The following SMAD9 variants were observed in gnomAD, a reference collection of about 807,000 sequenced individuals.
SMAD9 encodes the protein SMAD family member 9.
In SMAD9, 36 loss-of-function variants were observed where a neutral mutation model predicts 46.1. That is an observed-to-expected ratio of 0.78 (90% CI 0.60 to 1.03). The LOEUF (loss-of-function observed/expected upper bound fraction) is 1.03. SMAD9 is among the 50% of genes least tolerant of loss of function. The probability of loss-of-function intolerance (pLI) is 0.00; values close to 1 mark genes in which losing one functional copy is unlikely to be tolerated. For missense variants in SMAD9, 572 were observed against 599.8 expected, an observed-to-expected ratio of 0.95 and a Z score of 0.48; for synonymous variants, 245 against 237.1, an observed-to-expected ratio of 1.03 and a Z score of -0.31.
chr13:36,853,326 T>C (rs2058090429), intron 6 of SMAD9, 93 bp downstream of exon 6: 4 of 1,222,714 alleles, frequency 3.3e-6, no homozygotes, highest in African/African-American at 1.5e-5. Context: ...TCTATCAGAA[T>C]TGACCGCACA....
At position 36,913,973 on chromosome 13, in the gene SMAD9, T is replaced by C. The variant is rs545060888; in HGVS notation, c.-187+6143A>G. The stretch of plus-strand genomic sequence containing the variant: ...GTCTTGCTTTATGAACAAATGGTGT[T>C]CAATCCTGCATAGTTATTTGGAAAC... On this transcript the variant is annotated intron_variant, in intron 1 of 6. Transcript: ENST00000379826. Among the ~76,000 whole-genome samples, 41 of 152,318 alleles carry C rather than the reference T, an allele frequency of 2.7e-4. No individual in the cohort carries two copies. In the South Asian group the frequency reaches 8.1e-3, roughly 30 times the overall value.
rs781272404 is a variant in SMAD9, at chr13:36,920,181, TGCA to T, written c.-255_-253del. ...CGGCGGCGGGGACCGAGACAGCGGCTGCAGCAGCGGCGGCGGCGGCGGCGGCGG... is the reference window on the plus strand; with the variant it reads ...CGGCGGCGGGGACCGAGACAGCGGCTGCAGCGGCGGCGGCGGCGGCGGCGG... On this transcript the variant is annotated 5_prime_UTR_variant, in exon 1 of 7. Transcript: ENST00000379826. The T allele has an allele frequency of 0.22, 26,455 of 120,710 alleles. 2,602 individuals are homozygous for T. Among genetic ancestry groups the T allele is most frequent in the East Asian group, 0.32 (1,641 of 5,076 alleles). The allele number at this position is 120,710 out of a possible 1,614,324, so 7.5% of individuals were successfully genotyped here. A position where few individuals can be genotyped will look rare whatever the true frequency, so the allele number is the denominator to read the frequency against.
At chr13:36,873,489 A>G (rs556266795) in intron 2 of SMAD9, among the ~76,000 whole-genome samples, 2 of 152,324 alleles carry the variant, frequency 1.3e-5, no homozygotes, top group South Asian at 2.1e-4. Flanking sequence ...TGTGTCCTTA[A>G]TGGAAAGATT....
intron 5 of SMAD9, among the ~76,000 whole-genome samples, chr13:36,854,030 G>T (rs1566013117): frequency 1.3e-5 from 2 of 152,038 alleles, no homozygotes; most frequent in African/African-American, 2.4e-5. Flanking sequence ...ATGGTGGTGG[G>T]CACCTGTAAT....
intron 1 of SMAD9, among the ~76,000 whole-genome samples, chr13:36,885,857 AAAC>A (rs1464463435): frequency 2.0e-5 from 3 of 152,182 alleles, no homozygotes; most frequent in Admixed American, 1.3e-4. Flanking sequence ...AAGGTTAAAA[AAAC>A]AACAACACTG....
intron 2 of SMAD9, among the ~76,000 whole-genome samples, chr13:36,878,106 A>G (rs1291103402): frequency 6.6e-6 from 1 of 152,060 alleles, no homozygotes; most frequent in East Asian, 1.9e-4. Flanking sequence ...AACAAAGACA[A>G]ACACCAGGCT....
intron 1 of SMAD9, among the ~76,000 whole-genome samples, chr13:36,885,978 C>A (rs185435356): frequency 3.2e-4 from 48 of 152,146 alleles, no homozygotes; most frequent in Non-Finnish European, 5.9e-4. Context: ...TGGGAAGAGC[C>A]TGGAAGGATT....
At chr13:36,901,107 GTTA>G (rs906437244) in intron 1 of SMAD9, among the ~76,000 whole-genome samples, 12 of 152,084 alleles carry the variant, frequency 7.9e-5, no homozygotes, top group African/African-American at 2.9e-4. Context: ...CCACCTTTAG[GTTA>G]TTGTGAATAG....
chr13:36,902,831 C>T (rs55861213), intron 1 of SMAD9, among the ~76,000 whole-genome samples: 3,901 of 152,238 alleles, frequency 0.026, 157 homozygotes, highest in African/African-American at 0.089. Flanking sequence ...TAGCACAATA[C>T]GGCCTCAATT....
At chr13:36,909,980 G>A (rs1326231886) in intron 1 of SMAD9, among the ~76,000 whole-genome samples, 2 of 152,044 alleles carry the variant, frequency 1.3e-5, no homozygotes, top group East Asian at 1.9e-4. Flanking sequence ...GGTGGATCAC[G>A]AGGTCAGGAG....
rs1378819396 is a variant in SMAD9, at chr13:36,848,227, T to C, written c.*449A>G. 3 of 161,166 alleles carry C rather than the reference T, an allele frequency of 1.9e-5. No homozygotes were observed. Among genetic ancestry groups the C allele is most frequent in the Non-Finnish European group, 4.1e-5 (3 of 73,152 alleles). 10.0% of individuals were successfully genotyped at this position (161,166 alleles called of 1,614,324 possible). ...CTTGCCAACAGCACTAAAAGTGACA[T>C]CATTTAAACTGTAGGGGTTTCACTG... On this transcript the variant is annotated 3_prime_UTR_variant, in exon 7 of 7. Transcript: ENST00000379826.
At chr13:36,865,165 G>C (rs1341132774) in intron 5 of SMAD9, among the ~76,000 whole-genome samples, 3 of 152,182 alleles carry the variant, frequency 2.0e-5, no homozygotes, top group Non-Finnish European at 4.4e-5. Context: ...TAATCATCTA[G>C]TCAGAATTCC....
rs1440594959 is a variant in SMAD9 at position 36,846,987 on chromosome 13, C to T, written c.*1689G>A. On this transcript the variant is annotated 3_prime_UTR_variant, in exon 7 of 7. Transcript: ENST00000379826. Reference sequence around the variant, plus strand: ...GACACCCATAGGTAGGTGCACAATACATAGTTGATGAACCAATAAACTACA... The same window carrying T: ...GACACCCATAGGTAGGTGCACAATATATAGTTGATGAACCAATAAACTACA... 1 of 152,128 alleles carries T rather than the reference C, an allele frequency of 6.6e-6. No individual in the cohort carries two copies. The highest frequency in any genetic ancestry group is 2.4e-5 in the African/African-American group (1 of 41,428). The allele number at this position is 152,128 out of a possible 1,614,324, so 9.4% of individuals were successfully genotyped here.
At position 36,852,463 on chromosome 13, in the gene SMAD9, G is replaced by C. The variant is rs1374950435; in HGVS notation, c.1260+956C>G. 3 of 985,250 alleles carry C rather than the reference G, an allele frequency of 3.0e-6. No homozygotes were observed. The African/African-American group carries it at 5.2e-5, about 17-fold the overall frequency. 61.0% of individuals were successfully genotyped at this position (985,250 alleles called of 1,614,324 possible). On this transcript the variant is annotated intron_variant, in intron 6 of 6. Coordinates refer to ENST00000379826, the MANE Select transcript of SMAD9 (RefSeq NM_001127217.3). ...GCTTTCACTTCCATATACAAACCCA[G>C]TTGTCTTTCCTTCCCACTAAGAAAC...
chr13:36,913,978 C>G (rs188218748), intron 1 of SMAD9, among the ~76,000 whole-genome samples: 1 of 152,270 alleles, frequency 6.6e-6, no homozygotes, highest in Admixed American at 6.5e-5. Flanking sequence ...GGTGTTCAAT[C>G]CTGCATAGTT....
intron 5 of SMAD9, among the ~76,000 whole-genome samples, chr13:36,859,750 C>G (rs1020553961): frequency 2.0e-5 from 3 of 152,066 alleles, no homozygotes; most frequent in South Asian, 4.1e-4. Context: ...TGCCGGAGGT[C>G]GGGAGTTTGA....
chr13:36,886,591 T>C (rs1206903200), intron 1 of SMAD9, among the ~76,000 whole-genome samples: 1 of 152,282 alleles, frequency 6.6e-6, no homozygotes, highest in East Asian at 1.9e-4. Context: ...GCCTATCATG[T>C]GTCAGGCCCT....
At position 36,848,665 on chromosome 13, in the gene SMAD9, A is replaced by C; in HGVS notation, c.*11T>G. On this transcript the variant is annotated 3_prime_UTR_variant, in exon 7 of 7. Transcript: ENST00000379826. ...CTCTATCCTATGGAAATGCAGCTTA[A>C]GACATGACTGTTAAGACACTGAAGA... 2 of 1,614,006 alleles carry C rather than the reference A, an allele frequency of 1.2e-6. No individual in the cohort carries two copies. The highest frequency in any genetic ancestry group is 8.5e-7 in the Non-Finnish European group (1 of 1,179,810).
intron 5 of SMAD9, among the ~76,000 whole-genome samples, chr13:36,854,399 G>A (rs1361827343): frequency 3.3e-5 from 5 of 150,612 alleles, no homozygotes; most frequent in African/African-American, 4.9e-5. Flanking sequence ...ACGGAGTCTC[G>A]CTCTGTCGCC....
Sources: gnomAD v4.1 joint callset for allele counts (sites outside exome capture counted in the v4.1 genomes callset) on GRCh38, gnomAD v4.1.1 for gene constraint, MANE v1.5 for transcripts, NCBI Gene and HGNC (gene_info 2026-07-23, HGNC 2026-07-21) for gene names.